KLHL1: variants seen among roughly 807,000 people sequenced by gnomAD.
The protein encoded by KLHL1 is kelch like family member 1.
A neutral mutation model predicts 77.7 loss-of-function variants in KLHL1; 47 were observed. That is an observed-to-expected ratio of 0.60 (90% CI 0.48 to 0.77). The LOEUF (loss-of-function observed/expected upper bound fraction) is 0.77, where lower values mean the gene tolerates loss of function less well. Among genes scored for constraint, KLHL1 ranks in the 30% least tolerant of loss-of-function variants. The probability of loss-of-function intolerance (pLI) is 0.00; values close to 1 mark genes in which losing one functional copy is unlikely to be tolerated. For synonymous variants in KLHL1, 360 were observed against 325.2 expected (o/e 1.11, Z -1.15); for missense variants, 925 against 910.8 (o/e 1.02, Z -0.20).
chr13:69,896,292 CT>C (rs1486669222), intron 4 of KLHL1, among the ~76,000 whole-genome samples: 1 of 152,170 alleles, frequency 6.6e-6, no homozygotes, highest in African/African-American at 2.4e-5. Flanking sequence ...TCCTCTTCTG[CT>C]TTTGCAGACT....
At chr13:69,829,650 C>T (rs1017618911) in intron 6 of KLHL1, among the ~76,000 whole-genome samples, 6 of 149,668 alleles carry the variant, frequency 4.0e-5, no homozygotes, top group Non-Finnish European at 7.4e-5. Flanking sequence ...CTCAACAAGG[C>T]GCCAGAGAAA....
At chr13:69,939,372 TATATATAC>T (rs1883290343) in intron 4 of KLHL1, among the ~76,000 whole-genome samples, 1 of 90,668 alleles carries the variant, frequency 1.1e-5, no homozygotes, top group African/African-American at 4.6e-5. Context: ...TATATATATA[TATATATAC>T]ACACACACAC....
chr13:69,754,418 T>G (rs998517194), intron 7 of KLHL1, among the ~76,000 whole-genome samples: 2 of 152,180 alleles, frequency 1.3e-5, no homozygotes, highest in African/African-American at 4.8e-5. Context: ...TATACAAATA[T>G]CCGAACTTAC....
chr13:70,077,092 C>A (rs769797917), intron 1 of KLHL1, among the ~76,000 whole-genome samples: 5 of 151,916 alleles, frequency 3.3e-5, no homozygotes, highest in South Asian at 4.1e-4. Flanking sequence ...TGACATAATT[C>A]TACCAAATGA....
intron 4 of KLHL1, chr13:69,894,942 A>T (rs1881576095): frequency 2.2e-6 from 1 of 458,990 alleles, no homozygotes; most frequent in Non-Finnish European, 4.3e-6. Context: ...GTTCCAGCAG[A>T]TCCTTGTCTA....
chr13:69,794,317 G>C lies in KLHL1; in HGVS notation c.1639+2421C>G, dbSNP rs144034488. On this transcript the variant is annotated intron_variant, in intron 7 of 10. Coordinates refer to ENST00000377844, the MANE Select transcript of KLHL1 (RefSeq NM_020866.3). Reference sequence around the variant, plus strand: ...GATTGTTTTGATAAGACACAAAAACGTATCATATGCCTTAGCCCTTCATAC... The same window carrying C: ...GATTGTTTTGATAAGACACAAAAACCTATCATATGCCTTAGCCCTTCATAC... Among the ~76,000 whole-genome samples the C allele has an allele frequency of 8.3e-4, 127 of 152,216 alleles. 1 individual carries two copies. The highest frequency in any genetic ancestry group is 3.0e-3 in the African/African-American group (123 of 41,546).
intron 3 of KLHL1, among the ~76,000 whole-genome samples, chr13:69,941,407 T>C (rs1273299555): frequency 6.6e-6 from 1 of 152,038 alleles, no homozygotes; most frequent in Non-Finnish European, 1.5e-5. Context: ...TGAATGATAA[T>C]AGTGACACAA....
chr13:70,030,912 A>T (rs1437239252), intron 1 of KLHL1, among the ~76,000 whole-genome samples: 6 of 152,228 alleles, frequency 3.9e-5, no homozygotes, highest in Non-Finnish European at 8.8e-5. Flanking sequence ...TAAAGGGGAT[A>T]TCACCACCAA....
chr13:69,792,057 A>G (rs1463438294), intron 7 of KLHL1, among the ~76,000 whole-genome samples: 8 of 152,172 alleles, frequency 5.3e-5, no homozygotes, highest in Non-Finnish European at 1.2e-4. Context: ...GCAAATCACC[A>G]TGGCACATGT....
chr13:69,894,763 T>C, intron 4 of KLHL1: 1 of 225,944 alleles, frequency 4.4e-6, no homozygotes, highest in South Asian at 6.6e-5. Context: ...TTTCATAACA[T>C]TCAGGATGTG....
At chr13:69,728,649 C>CAA (rs536317353) in intron 8 of KLHL1, among the ~76,000 whole-genome samples, 183 of 132,850 alleles carry the variant, frequency 1.4e-3, no homozygotes, top group African/African-American at 4.3e-3. Flanking sequence ...CTAAAAATGC[C>CAA]AAAAAAAAAA....
intron 7 of KLHL1, among the ~76,000 whole-genome samples, chr13:69,782,455 T>G (rs1462829934): frequency 6.6e-6 from 1 of 152,176 alleles, no homozygotes; most frequent in Non-Finnish European, 1.5e-5. Flanking sequence ...ATCGGGTCAC[T>G]CCCACCCTAA....
rs556505627 is a variant in KLHL1, at chr13:69,865,377, C to T, written c.1227+16906G>A. ...TTTCAAAAGGCTATATTGCTTTCTACAAGTAGTTTAATAACTACATTTAAA... is the reference window on the plus strand; with the variant it reads ...TTTCAAAAGGCTATATTGCTTTCTATAAGTAGTTTAATAACTACATTTAAA... On this transcript the variant is annotated intron_variant, in intron 5 of 10. Transcript: ENST00000377844. Among the ~76,000 whole-genome samples, 19 of 152,232 alleles carry T rather than the reference C, an allele frequency of 1.2e-4. 1 individual carries two copies. The East Asian group carries it at 3.7e-3, about 29-fold the overall frequency.
intron 4 of KLHL1, among the ~76,000 whole-genome samples, chr13:69,928,827 G>A (rs898132346): frequency 2.6e-5 from 4 of 152,070 alleles, no homozygotes; most frequent in Non-Finnish European, 5.9e-5. Context: ...TTCTACAAGT[G>A]ATAGTGGTGA....
At chr13:69,920,065 GC>G (rs1882582701) in intron 4 of KLHL1, among the ~76,000 whole-genome samples, 1 of 151,966 alleles carries the variant, frequency 6.6e-6, no homozygotes. Context: ...AGATTAGGCA[GC>G]TGTTTTTTCT....
At chr13:69,927,212 C>T (rs1200273412) in intron 4 of KLHL1, among the ~76,000 whole-genome samples, 1 of 151,980 alleles carries the variant, frequency 6.6e-6, no homozygotes, top group Non-Finnish European at 1.5e-5. Context: ...ATGATACACA[C>T]ATGCAAAATA....
At chr13:69,729,973 C>G (rs1408160248) in intron 8 of KLHL1, among the ~76,000 whole-genome samples, 1 of 151,308 alleles carries the variant, frequency 6.6e-6, no homozygotes, top group Non-Finnish European at 1.5e-5. Flanking sequence ...GCTAGCTGAC[C>G]AAAAAATACA....
rs574870997 is a variant in KLHL1, at chr13:69,946,826, G to T, written c.818-6590C>A. On this transcript the variant is annotated intron_variant, in intron 3 of 10. Coordinates refer to ENST00000377844, the MANE Select transcript of KLHL1 (RefSeq NM_020866.3). ...ACCATGCCTGGCCAATAATTTTTCT[G>T]AATGTTTGCAATATATAAAACATGA... Among the ~76,000 whole-genome samples, 5 of 152,112 alleles carry T rather than the reference G, an allele frequency of 3.3e-5. 1 individual carries two copies. In the South Asian group the frequency reaches 1.0e-3, roughly 32 times the overall value.
At chr13:70,036,021 A>ACTGAATAATT (rs1886230702) in intron 1 of KLHL1, among the ~76,000 whole-genome samples, 1 of 152,172 alleles carries the variant, frequency 6.6e-6, no homozygotes, top group Admixed American at 6.5e-5. Context: ...GTATCAACAC[A>ACTGAATAATT]CTGAATAATT....
Sources: gnomAD v4.1 joint callset for allele counts (sites outside exome capture counted in the v4.1 genomes callset) on GRCh38, gnomAD v4.1.1 for gene constraint, MANE v1.5 for transcripts, NCBI Gene and HGNC (gene_info 2026-07-23, HGNC 2026-07-21) for gene names.